The following ZNF808 variants were observed in gnomAD, a reference collection of about 807,000 sequenced individuals.
ZNF808 encodes zinc finger protein 808.
Under a neutral mutation model 8.7 loss-of-function variants are expected in ZNF808, and 5 were observed. That is an observed-to-expected ratio of 0.58 (90% CI 0.30 to 1.21). The LOEUF (loss-of-function observed/expected upper bound fraction) is 1.21, where lower values mean the gene tolerates loss of function less well. Ranked by LOEUF, ZNF808 falls within the 50% of genes most tolerant of loss-of-function variation. ZNF808 has a pLI of 0.07. For missense variants in ZNF808, 1,103 were observed against 1,098.4 expected, an observed-to-expected ratio of 1.00 and a Z score of -0.06; for synonymous variants, 380 against 366.0, an observed-to-expected ratio of 1.04 and a Z score of -0.44.
intron 2 of ZNF808, among the ~76,000 whole-genome samples, chr19:52,539,581 TTTTGGTC>T: frequency 8.5e-6 from 1 of 118,050 alleles, no homozygotes; most frequent in Non-Finnish European, 1.7e-5. Context: ...TTTGACGGAG[TTTTGGTC>T]TTGTTGCCCA....
At chr19:52,567,816 C>T (rs1260963627), downstream of ZNF808, among the ~76,000 whole-genome samples, 7 of 152,006 alleles carry the variant, frequency 4.6e-5, no homozygotes, top group Non-Finnish European at 7.4e-5. Flanking sequence ...TGAGCCACCG[C>T]GCCCGGCCTG....
chr19:52,551,182 T>G (rs2059773068), intron 4 of ZNF808, among the ~76,000 whole-genome samples: 1 of 152,112 alleles, frequency 6.6e-6, no homozygotes, highest in Non-Finnish European at 1.5e-5. Flanking sequence ...TGAAACCCCG[T>G]CTCTAGTAAA....
chr19:52,533,876 A>G (rs1186770547), intron 2 of ZNF808, among the ~76,000 whole-genome samples: 2 of 150,796 alleles, frequency 1.3e-5, no homozygotes, highest in Admixed American at 6.6e-5. Flanking sequence ...AAGGCAAGCA[A>G]CAAGATAGAT....
chr19:52,530,881 G>A (rs1258120765), intron 1 of ZNF808, among the ~76,000 whole-genome samples: 2 of 152,170 alleles, frequency 1.3e-5, no homozygotes, highest in African/African-American at 4.8e-5. Flanking sequence ...GCTGAGGCAG[G>A]AGAATTACTT....
At chr19:52,540,779 C>T (rs187209211) in intron 2 of ZNF808, among the ~76,000 whole-genome samples, 2 of 152,238 alleles carry the variant, frequency 1.3e-5, no homozygotes, top group Non-Finnish European at 2.9e-5. Flanking sequence ...TCTACAGCTG[C>T]CTCTTTTTCA....
At chr19:52,564,413 C>A in exon 4 of ZNF808, 1 of 309,056 alleles carries the variant, frequency 3.2e-6, no homozygotes, top group Non-Finnish European at 5.9e-6. Context: ...ACATGTGAGA[C>A]CTTTCATTTC....
At chr19:52,564,634 T>C (rs761760519), downstream of ZNF808, among the ~76,000 whole-genome samples, 5 of 152,000 alleles carry the variant, frequency 3.3e-5, no homozygotes, top group Non-Finnish European at 7.4e-5. Context: ...CCTTGGACTT[T>C]ACTGTTAGGG....
chr19:52,563,696 A>T (rs2059864800), exon 4 of ZNF808: 1 of 154,784 alleles, frequency 6.5e-6, no homozygotes, highest in Non-Finnish European at 1.4e-5. Context: ...ATGAAGCGGC[A>T]GGCAGACCAT....
intron 2 of ZNF808, among the ~76,000 whole-genome samples, chr19:52,542,342 C>T (rs1011666604): frequency 2.6e-5 from 4 of 152,078 alleles, no homozygotes; most frequent in Non-Finnish European, 5.9e-5. Context: ...CTACCTGTGC[C>T]CTCCTCTCTT....
downstream of ZNF808, among the ~76,000 whole-genome samples, chr19:52,560,883 A>G (rs10417895): frequency 0.22 from 32,848 of 151,978 alleles, 3,807 homozygotes; most frequent in Admixed American, 0.24. Context: ...TTTGGATGCA[A>G]AATACTGTTG....
At chr19:52,549,180 A>G (rs577944954) in intron 4 of ZNF808, among the ~76,000 whole-genome samples, 4 of 152,008 alleles carry the variant, frequency 2.6e-5, no homozygotes, top group African/African-American at 7.3e-5. Flanking sequence ...GTGTTTCACC[A>G]TGCTGGCCTG....
chr19:52,556,859 C>A (rs954507392), downstream of ZNF808: 1 of 152,106 alleles, frequency 6.6e-6, no homozygotes. Flanking sequence ...CAGCTGGGAG[C>A]TATTTATTGC....
At chr19:52,529,673 G>A (rs551901780) in intron 1 of ZNF808, among the ~76,000 whole-genome samples, 1 of 152,136 alleles carries the variant, frequency 6.6e-6, no homozygotes, top group Admixed American at 6.5e-5. Flanking sequence ...GTGGGGTAGA[G>A]AAGTGGGAAA....
In ZNF808 at chr19:52,554,333, C is replaced by T. The variant is rs767821554; in HGVS notation, c.1417C>T (p.His473Tyr). 2.5e-6 allele frequency: 4 copies of T among 1,614,064 alleles called. No individual in the cohort carries two copies. Among genetic ancestry groups the T allele is most frequent in the Non-Finnish European group, 3.4e-6 (4 of 1,180,014 alleles). The change falls in exon 5 of 5, where the codon CAT (histidine) becomes TAT (tyrosine). Residue 473 changes from histidine to tyrosine, a missense_variant. Transcript: ENST00000359798. ...AFTCNSQLAR[H>Y]RRIHTGEKTY... ...CACGTGTAATTCACAGCTGGCACGA[C>T]ATAGAAGAATTCACACTGGAGAGAA...
At chr19:52,562,785 T>G (rs1374447768) in intron 3 of ZNF808, among the ~76,000 whole-genome samples, 2 of 152,284 alleles carry the variant, frequency 1.3e-5, no homozygotes, top group Admixed American at 1.3e-4. Flanking sequence ...AATTCTTTTT[T>G]TTTTTGGAGA....
rs375831561 is a variant in ZNF808 at position 52,555,581 on chromosome 19, A to G, written c.2665A>G (p.Thr889Ala). 90 of 1,611,138 alleles carry G rather than the reference A, an allele frequency of 5.6e-5. No individual in the cohort carries two copies. Among genetic ancestry groups the G allele is most frequent in the East Asian group, 2.7e-4 (12 of 44,842 alleles). Residue 889 changes from threonine to alanine, a missense_variant, in exon 5 of 5, where the codon ACA becomes GCA. Physicochemically the swap from Thr to Ala is moderately conservative, Grantham distance 58. Transcript: ENST00000359798. ...ECGKAFSDRS[T>A]LIHHQAIHGI... ...TGGCAAAGCCTTTAGTGACCGGTCAACACTTATTCACCATCAGGCAATTCA... is the reference window on the plus strand; with the variant it reads ...TGGCAAAGCCTTTAGTGACCGGTCAGCACTTATTCACCATCAGGCAATTCA...
chr19:52,555,298 G>A lies in ZNF808; in HGVS notation c.2382G>A (p.Thr794=), dbSNP rs765249555. 8 of 1,613,970 alleles carry A rather than the reference G, an allele frequency of 5.0e-6. No homozygotes were observed. The highest frequency in any genetic ancestry group is 1.7e-5 in the Admixed American group (1 of 60,004). ...LHTGEKSYKC[T]VCDKAFVRNS... Reference sequence around the variant, plus strand: ...CTGGAGAGAAATCTTACAAATGTACGGTTTGTGACAAGGCTTTCGTGCGTA... The same window carrying A: ...CTGGAGAGAAATCTTACAAATGTACAGTTTGTGACAAGGCTTTCGTGCGTA... The change falls in exon 5 of 5, where the codon ACG becomes ACA. Residue 794 remains threonine, a synonymous_variant. Transcript: ENST00000359798.
chr19:52,542,232 C>G (rs1352410409), intron 2 of ZNF808, among the ~76,000 whole-genome samples: 1 of 152,004 alleles, frequency 6.6e-6, no homozygotes, highest in African/African-American at 2.4e-5. Context: ...TAGCTGGGAT[C>G]ACAGTCGACT....
intron 2 of ZNF808, 99 bp from the exon 3 acceptor site, chr19:52,543,167 C>A: frequency 7.8e-7 from 1 of 1,289,174 alleles, no homozygotes; most frequent in Non-Finnish European, 1.1e-6. Context: ...CAGTGGGGGA[C>A]TTCTTTCTAC....
Sources: allele counts gnomAD v4.1 joint callset (sites outside exome capture counted in the v4.1 genomes callset), GRCh38; gene constraint gnomAD v4.1.1; transcripts MANE v1.5; gene names NCBI Gene and HGNC (gene_info 2026-07-23, HGNC 2026-07-21).